Variants in ADGB observed in about 807,000 individuals in gnomAD.
ADGB encodes the protein calpain-7-like protein.
ADGB carries 172 observed loss-of-function variants against 210.5 expected under a neutral mutation model. That is an observed-to-expected ratio of 0.82 (90% confidence interval 0.72 to 0.93). The LOEUF is 0.93. Among genes scored for constraint, ADGB ranks in the 40% least tolerant of loss-of-function variants. ADGB has a pLI of 0.00. For synonymous variants in ADGB, 658 were observed against 662.7 expected, an observed-to-expected ratio of 0.99 and a Z score of 0.11; for missense variants, 2,025 against 1,964.8, an observed-to-expected ratio of 1.03 and a Z score of -0.58.
chr6:146,610,850 T>A (rs1165445347), intron 1 of ADGB, among the ~76,000 whole-genome samples: 3 of 152,100 alleles, frequency 2.0e-5, no homozygotes, highest in Non-Finnish European at 2.9e-5. Context: ...GTTGTCAGGG[T>A]CCACATGCAC....
intron 27 of ADGB, among the ~76,000 whole-genome samples, chr6:146,759,510 G>T (rs1029309027): frequency 6.6e-6 from 1 of 151,458 alleles, no homozygotes; most frequent in Non-Finnish European, 1.5e-5. Context: ...CTATAGGCTA[G>T]GAATAATACA....
intron 12 of ADGB, among the ~76,000 whole-genome samples, chr6:146,698,831 T>C (rs1776446967): frequency 6.6e-6 from 1 of 152,116 alleles, no homozygotes; most frequent in African/African-American, 2.4e-5. Flanking sequence ...AAGTGGTGCC[T>C]CTTGCCTCAG....
chr6:146,718,091 G>A (rs1193386370), intron 16 of ADGB, among the ~76,000 whole-genome samples: 1 of 152,038 alleles, frequency 6.6e-6, no homozygotes, highest in Non-Finnish European at 1.5e-5. Flanking sequence ...AGATGCCCTT[G>A]ACACTGTGAG....
At chr6:146,662,239 C>T (rs1775870940) in intron 5 of ADGB, among the ~76,000 whole-genome samples, 1 of 152,054 alleles carries the variant, frequency 6.6e-6, no homozygotes, top group African/African-American at 2.4e-5. Flanking sequence ...CTCTCTCTTT[C>T]TCTTCTTTTT....
chr6:146,776,314 A>G (rs1777720338), intron 29 of ADGB, among the ~76,000 whole-genome samples: 1 of 152,090 alleles, frequency 6.6e-6, no homozygotes, highest in African/African-American at 2.4e-5. Flanking sequence ...CTCCCAACAC[A>G]TATGTATTTC....
chr6:146,600,932 A>G (rs746425427), intron 1 of ADGB, among the ~76,000 whole-genome samples: 4,145 of 38,284 alleles, frequency 0.11, 67 homozygotes, highest in Middle Eastern at 0.19. Context: ...ATGCGCACAC[A>G]CACACACACA....
chr6:146,804,637 A>G (rs115315258), intron 35 of ADGB, among the ~76,000 whole-genome samples: 2,679 of 152,290 alleles, frequency 0.018, 86 homozygotes, highest in African/African-American at 0.061. Flanking sequence ...TCCAACATAT[A>G]TATCACCACC....
At chr6:146,672,183 A>G (rs996378130) in intron 7 of ADGB, 37 bp from the exon 8 acceptor site, 30 of 1,451,030 alleles carry the variant, frequency 2.1e-5, no homozygotes, top group Non-Finnish European at 2.6e-5. Flanking sequence ...AAAAAAAAAC[A>G]TCGTTTGGAA....
intron 27 of ADGB, among the ~76,000 whole-genome samples, chr6:146,755,415 T>C (rs1254130292): frequency 6.6e-6 from 1 of 152,116 alleles, no homozygotes; most frequent in Non-Finnish European, 1.5e-5. Flanking sequence ...TATTCCCCCA[T>C]GCTATTTTCG....
At chr6:146,616,585 C>G (rs562477041) in intron 1 of ADGB, among the ~76,000 whole-genome samples, 28 of 152,016 alleles carry the variant, frequency 1.8e-4, no homozygotes, top group African/African-American at 5.8e-4. Context: ...ATGTTTAATC[C>G]GTTTTGACTT....
rs368279090 is a variant in ADGB at position 146,699,531 on chromosome 6, G to A, written c.1578-1410G>A. 9.2e-5 allele frequency among the ~76,000 whole-genome samples: 14 copies of A among 152,090 alleles called. No homozygotes were observed. The South Asian group carries it at 2.7e-3, about 29-fold the overall frequency. On this transcript the variant is annotated intron_variant, in intron 12 of 35. Transcript: ENST00000397944. ...TTGATGACACCCATCTACATTGAGG[G>A]TGGATCTTCTCTCAATCCACCGACT...
Position 146,740,320 on chromosome 6 carries a change from C to T in ADGB, c.2889-139C>T. The T allele has an allele frequency of 1.1e-5, 8 of 733,876 alleles. No homozygotes were observed. In the Admixed American group the frequency reaches 2.4e-4, roughly 22 times the overall value. The allele number at this position is 733,876 out of a possible 1,614,324, so 45.5% of individuals were successfully genotyped here. ...ACCATGTATCAGGGACTACACAGAC[C>T]CCCTTTGATCAAGATCTCAATCTAG... On this transcript the variant is annotated intron_variant, in intron 23 of 35. Coordinates refer to ENST00000397944, the MANE Select transcript of ADGB (RefSeq NM_024694.4).
At position 146,745,909 on chromosome 6, in the gene ADGB, G is replaced by T. The variant is rs1034374855; in HGVS notation, c.3178-13G>T. On this transcript the variant is annotated splice_polypyrimidine_tract_variant and intron_variant, in intron 25 of 35. Transcript: ENST00000397944. ...GACATAATTCATTTCTGTGTAATTTGTCTTTCTTATAGAAGGGATACACTT... is the reference window on the plus strand; with the variant it reads ...GACATAATTCATTTCTGTGTAATTTTTCTTTCTTATAGAAGGGATACACTT... The T allele has an allele frequency of 6.5e-7, 1 of 1,528,506 alleles. No individual in the cohort carries two copies. The highest frequency in any genetic ancestry group is 2.1e-5 in the Admixed American group (1 of 48,360). 94.7% of individuals were successfully genotyped at this position (1,528,506 alleles called of 1,614,324 possible). A position where few individuals can be genotyped will look rare whatever the true frequency, so the allele number is the denominator to read the frequency against.
rs1371258643 is a variant in ADGB, at chr6:146,635,278, CAGCTGAGAAGACAA to C, written c.75-95_75-82del. ...TATTAAAAATGTAGTTAGTATGACT[CAGCTGAGAAGACAA>C]ATTTATGTTATGCAGTTAATCCAAT... is the stretch of plus-strand genomic sequence containing the variant. On this transcript the variant is annotated intron_variant, in intron 1 of 35. Transcript: ENST00000397944. 22 of 1,137,068 alleles carry C rather than the reference CAGCTGAGAAGACAA, an allele frequency of 1.9e-5. No individual in the cohort carries two copies. The African/African-American group carries it at 2.3e-4, about 12-fold the overall frequency. The allele number at this position is 1,137,068 out of a possible 1,614,324, so 70.4% of individuals were successfully genotyped here. A position where few individuals can be genotyped will look rare whatever the true frequency, so the allele number is the denominator to read the frequency against.
intron 30 of ADGB, 68 bp downstream of exon 30, chr6:146,782,260 A>G: frequency 1.5e-6 from 2 of 1,369,450 alleles, no homozygotes; most frequent in Non-Finnish European, 1.9e-6. Context: ...CTATTTGCCT[A>G]TCTCGTCTGA....
intron 33 of ADGB, among the ~76,000 whole-genome samples, chr6:146,798,592 A>G (rs1413995888): frequency 6.6e-6 from 1 of 152,148 alleles, no homozygotes; most frequent in East Asian, 1.9e-4. Flanking sequence ...AGAAAGAGAA[A>G]TAAAACACAT....
intron 3 of ADGB, among the ~76,000 whole-genome samples, chr6:146,652,641 T>C (rs1268165388): frequency 1.3e-5 from 2 of 152,166 alleles, no homozygotes; most frequent in Non-Finnish European, 2.9e-5. Flanking sequence ...GTACCTGATT[T>C]AGAAGTGTAC....
chr6:146,753,352 C>T (rs576059080), intron 27 of ADGB, among the ~76,000 whole-genome samples: 215 of 152,070 alleles, frequency 1.4e-3, no homozygotes, highest in African/African-American at 4.9e-3. Context: ...CTTCATTCTC[C>T]GTTTTTGCAC....
Position 146,672,207 on chromosome 6 carries a change from T to C in ADGB, c.840-13T>C. On this transcript the variant is annotated splice_polypyrimidine_tract_variant and intron_variant, in intron 7 of 35. Coordinates refer to ENST00000397944, the MANE Select transcript of ADGB (RefSeq NM_024694.4). ...CATCGTTTGGAAATTAATGTTTTTG[T>C]CTTTTCTCTTAGCCCGGGATATATG... 6.8e-7 allele frequency: 1 copy of C among 1,461,030 alleles called. No individual in the cohort carries two copies. The allele number at this position is 1,461,030 out of a possible 1,614,324, so 90.5% of individuals were successfully genotyped here. A position where few individuals can be genotyped will look rare whatever the true frequency, so the allele number is the denominator to read the frequency against.
Sources: gnomAD v4.1 joint callset for allele counts (sites outside exome capture counted in the v4.1 genomes callset) on GRCh38, gnomAD v4.1.1 for gene constraint, MANE v1.5 for transcripts, NCBI Gene and HGNC (gene_info 2026-07-23, HGNC 2026-07-21) for gene names.